The following GALNT13 variants were observed in gnomAD, a reference collection of about 807,000 sequenced individuals.
The protein encoded by GALNT13 is polypeptide N-acetylgalactosaminyltransferase 13, also known as UDP-GalNAc:polypeptide N-acetylgalactosaminyltransferase 13.
Under a neutral mutation model 64.2 loss-of-function variants are expected in GALNT13, and 28 were observed. The observed-to-expected ratio is 0.44, with a 90% CI of 0.32 to 0.60. The LOEUF (loss-of-function observed/expected upper bound fraction) is 0.60. Among genes scored for constraint, GALNT13 ranks in the 20% least tolerant of loss-of-function variants. GALNT13 has a pLI of 0.05. For synonymous variants in GALNT13, 214 were observed against 224.6 expected, an observed-to-expected ratio of 0.95 and a Z score of 0.42; for missense variants, 577 against 669.8, an observed-to-expected ratio of 0.86 and a Z score of 1.53.
the GALNT13 span, among the ~76,000 whole-genome samples, chr2:153,599,580 GTCAGACCTTATAACTAGTAGTCTC>G: frequency 6.6e-6 from 1 of 151,858 alleles, no homozygotes; most frequent in Non-Finnish European, 1.5e-5. Flanking sequence ...TGAACCCAAG[GTCAGACCTTATAACTAGTAGTCTC>G]TCAGGCCTTA....
the GALNT13 span, among the ~76,000 whole-genome samples, chr2:153,723,961 G>C: frequency 2.0e-5 from 3 of 150,182 alleles, no homozygotes. Context: ...CTACTTTAAA[G>C]TTCATATGGA....
At chr2:153,424,604 AT>A in the GALNT13 span, among the ~76,000 whole-genome samples, 1 of 151,894 alleles carries the variant, frequency 6.6e-6, no homozygotes, top group African/African-American at 2.4e-5. Context: ...GGCAAAAATA[AT>A]GTCTGATAAA....
the GALNT13 span, among the ~76,000 whole-genome samples, chr2:153,789,612 A>G: frequency 1.3e-5 from 2 of 152,116 alleles, no homozygotes; most frequent in African/African-American, 4.8e-5. Flanking sequence ...CTGAAGATCA[A>G]GGCACAAAAG....
chr2:153,553,244 A>G, the GALNT13 span, among the ~76,000 whole-genome samples: 1 of 130,992 alleles, frequency 7.6e-6, no homozygotes, highest in Non-Finnish European at 1.5e-5. Context: ...CACATGTGTA[A>G]TCCCAGTCCT....
the GALNT13 span, among the ~76,000 whole-genome samples, chr2:153,407,001 T>G: frequency 6.6e-6 from 1 of 152,118 alleles, no homozygotes; most frequent in Non-Finnish European, 1.5e-5. Context: ...TCTAATATTC[T>G]AAATTATCTT....
At chr2:154,359,560 C>T (rs1396303434) in intron 9 of GALNT13, among the ~76,000 whole-genome samples, 2 of 152,126 alleles carry the variant, frequency 1.3e-5, no homozygotes, top group Non-Finnish European at 2.9e-5. Flanking sequence ...GACTTACGGT[C>T]ATCTCTTACC....
intron 8 of GALNT13, among the ~76,000 whole-genome samples, chr2:154,260,660 GACATTTGAGAACCCAAAATTATT>G (rs1278880626): frequency 1.3e-5 from 2 of 152,090 alleles, no homozygotes; most frequent in African/African-American, 4.8e-5. Flanking sequence ...GAATTTTGAG[GACATTTGAGAACCCAAAATTATT>G]ACCTGTTATG....
At chr2:154,095,363 G>C (rs905093803) in intron 3 of GALNT13, among the ~76,000 whole-genome samples, 1 of 151,828 alleles carries the variant, frequency 6.6e-6, no homozygotes, top group South Asian at 2.1e-4. Context: ...ATATGTTACT[G>C]TATCACAAAT....
At chr2:153,713,374 C>T in the GALNT13 span, among the ~76,000 whole-genome samples, 1 of 152,194 alleles carries the variant, frequency 6.6e-6, no homozygotes, top group South Asian at 2.1e-4. Context: ...CTACAAACAT[C>T]CTGATTCCAG....
chr2:154,163,622 C>T (rs1479399168), intron 4 of GALNT13, among the ~76,000 whole-genome samples: 1 of 152,066 alleles, frequency 6.6e-6, no homozygotes, highest in Non-Finnish European at 1.5e-5. Context: ...GGCTGTGTGT[C>T]CTTTCATATT....
At chr2:154,073,670 C>A (rs1316122225) in intron 3 of GALNT13, among the ~76,000 whole-genome samples, 3 of 151,794 alleles carry the variant, frequency 2.0e-5, no homozygotes, top group African/African-American at 7.2e-5. Context: ...CAAGATAAAT[C>A]AATATATTTA....
the GALNT13 span, among the ~76,000 whole-genome samples, chr2:153,533,723 C>CTTTTTTTTTTTT: frequency 0.012 from 574 of 48,638 alleles, 118 homozygotes; most frequent in South Asian, 0.013. Context: ...TGAGGTTTTT[C>CTTTTTTTTTTTT]TTTTTTTTTT....
chr2:153,258,711 T>C, the GALNT13 span, among the ~76,000 whole-genome samples: 1 of 152,232 alleles, frequency 6.6e-6, no homozygotes, highest in East Asian at 1.9e-4. Flanking sequence ...AATTTCTTCA[T>C]TGACCCACTG....
the GALNT13 span, among the ~76,000 whole-genome samples, chr2:153,822,188 T>C: frequency 6.6e-6 from 1 of 152,140 alleles, no homozygotes; most frequent in Non-Finnish European, 1.5e-5. Flanking sequence ...CTACTGAAAC[T>C]ATTCTAAGAA....
At chr2:153,422,969 C>T in the GALNT13 span, among the ~76,000 whole-genome samples, 1 of 151,878 alleles carries the variant, frequency 6.6e-6, no homozygotes, top group Non-Finnish European at 1.5e-5. Flanking sequence ...TTTATTCACA[C>T]TGTTCTAAAG....
the GALNT13 span, among the ~76,000 whole-genome samples, chr2:153,391,936 A>G: frequency 1.3e-5 from 2 of 150,428 alleles, no homozygotes; most frequent in South Asian, 4.2e-4. Flanking sequence ...TCCTTTACTC[A>G]TTTGAAATAT....
intron 9 of GALNT13, among the ~76,000 whole-genome samples, chr2:154,323,042 C>A (rs1694707085): frequency 6.6e-6 from 1 of 151,782 alleles, no homozygotes; most frequent in African/African-American, 2.4e-5. Context: ...TTTCAAGGGG[C>A]CTACACAGGA....
intron 4 of GALNT13, among the ~76,000 whole-genome samples, chr2:154,240,417 A>G (rs1161451572): frequency 6.6e-6 from 1 of 152,222 alleles, no homozygotes; most frequent in African/African-American, 2.4e-5. Flanking sequence ...CCTCTAAATC[A>G]TCTGGGAGCT....
intron 9 of GALNT13, among the ~76,000 whole-genome samples, chr2:154,350,368 T>G (rs1343935686): frequency 1.3e-5 from 2 of 152,214 alleles, no homozygotes; most frequent in Non-Finnish European, 2.9e-5. Flanking sequence ...CTGACTCTTC[T>G]GGCCTTCATC....
Sources: gnomAD v4.1 joint callset for allele counts (sites outside exome capture counted in the v4.1 genomes callset) on GRCh38, gnomAD v4.1.1 for gene constraint, MANE v1.5 for transcripts, NCBI Gene and HGNC (gene_info 2026-07-23, HGNC 2026-07-21) for gene names.